PLEKHA5: variants seen among roughly 807,000 people sequenced by gnomAD.
PLEKHA5 encodes the protein pleckstrin homology domain-containing family A member 5.
PLEKHA5 carries 55 observed loss-of-function variants against 181.9 expected under a neutral mutation model. That is an observed-to-expected ratio of 0.30 (90% confidence interval 0.24 to 0.38). The LOEUF is 0.38. PLEKHA5 is among the 10% of genes least tolerant of loss of function. PLEKHA5 has a pLI of 1.00. For missense variants in PLEKHA5, 1,432 were observed against 1,549.5 expected (o/e 0.92, Z 1.27); for synonymous variants, 535 against 529.4 (o/e 1.01, Z -0.15).
chr12:19,254,330 A>C (rs2066243381), intron 4 of PLEKHA5, among the ~76,000 whole-genome samples: 2 of 152,238 alleles, frequency 1.3e-5, no homozygotes, highest in Admixed American at 1.3e-4. Flanking sequence ...CACTTTTCTC[A>C]TCCTTAAATC....
intron 3 of PLEKHA5, among the ~76,000 whole-genome samples, chr12:19,148,938 TCAG>T: frequency 6.6e-6 from 1 of 152,274 alleles, no homozygotes; most frequent in East Asian, 1.9e-4. Context: ...TATTCCTTTC[TCAG>T]CAGGTTCTCT....
chr12:19,352,299 C>T (rs2094638604), intron 25 of PLEKHA5, among the ~76,000 whole-genome samples: 2 of 151,088 alleles, frequency 1.3e-5, no homozygotes, highest in African/African-American at 4.9e-5. Flanking sequence ...GTGGGAGGAT[C>T]GCTTGAGCCC....
At chr12:19,255,188 A>T in intron 5 of PLEKHA5, 23 bp downstream of exon 5, 1 of 1,527,818 alleles carries the variant, frequency 6.5e-7, no homozygotes, top group Non-Finnish European at 8.9e-7. Context: ...GCTTTATATT[A>T]ATTATTGATA....
chr12:19,211,719 C>A (rs2056944407), intron 3 of PLEKHA5, among the ~76,000 whole-genome samples: 1 of 152,024 alleles, frequency 6.6e-6, no homozygotes, highest in Admixed American at 6.5e-5. Context: ...TCAGATGAGA[C>A]CTCATCCTAT....
intron 10 of PLEKHA5, 156 bp from the exon 11 acceptor site, chr12:19,274,360 C>T: frequency 1.7e-6 from 1 of 601,030 alleles, no homozygotes; most frequent in Non-Finnish European, 2.9e-6. Context: ...ATGTTAATAT[C>T]ACAGCATTGG....
intron 2 of PLEKHA5, among the ~76,000 whole-genome samples, chr12:19,131,628 T>A (rs1256128636): frequency 6.6e-6 from 1 of 152,126 alleles, no homozygotes; most frequent in Non-Finnish European, 1.5e-5. Context: ...ACAGATTTGG[T>A]AACATTCACG....
intron 21 of PLEKHA5, among the ~76,000 whole-genome samples, chr12:19,342,822 A>T (rs1449838314): frequency 6.6e-6 from 1 of 152,122 alleles, no homozygotes; most frequent in African/African-American, 2.4e-5. Context: ...CTGTCAGTCA[A>T]AATTCATCTT....
At chr12:19,307,100 G>C in intron 15 of PLEKHA5, 1 of 1,053,966 alleles carries the variant, frequency 9.5e-7, no homozygotes, top group Non-Finnish European at 1.5e-6. Context: ...AAGCTTATGA[G>C]CACTGTTGGT....
At chr12:19,222,119 G>A (rs1042953099) in intron 3 of PLEKHA5, among the ~76,000 whole-genome samples, 5 of 151,846 alleles carry the variant, frequency 3.3e-5, no homozygotes, top group Non-Finnish European at 7.4e-5. Context: ...ATATGTGTGT[G>A]TATGTATATA....
intron 3 of PLEKHA5, among the ~76,000 whole-genome samples, chr12:19,133,010 G>A (rs1555222091): frequency 6.7e-6 from 1 of 150,304 alleles, no homozygotes; most frequent in Non-Finnish European, 1.5e-5. Context: ...TGTAAAGCTA[G>A]GCACAATTTG....
chr12:19,299,073 T>C (rs190962932), intron 15 of PLEKHA5, among the ~76,000 whole-genome samples: 1 of 152,320 alleles, frequency 6.6e-6, no homozygotes, highest in Admixed American at 6.5e-5. Flanking sequence ...CTCCTTGGCA[T>C]CCTGCCTGCC....
At chr12:19,226,909 A>G (rs771606823) in intron 3 of PLEKHA5, among the ~76,000 whole-genome samples, 1 of 151,748 alleles carries the variant, frequency 6.6e-6, no homozygotes, top group Non-Finnish European at 1.5e-5. Flanking sequence ...AGTTATACAG[A>G]TTATTTAGAA....
intron 3 of PLEKHA5, among the ~76,000 whole-genome samples, chr12:19,156,831 G>C (rs1010663672): frequency 6.7e-6 from 1 of 149,616 alleles, no homozygotes; most frequent in Non-Finnish European, 1.5e-5. Flanking sequence ...GGTCACTTGA[G>C]ATCAGGAGTT....
At position 19,167,405 on chromosome 12, in the gene PLEKHA5, ATTTTTTTTTTTTTT is replaced by A. The variant is rs56086557; in HGVS notation, c.227+34971_227+34984del. On this transcript the variant is annotated intron_variant, in intron 3 of 31. Coordinates refer to ENST00000429027, the MANE Select transcript of PLEKHA5 (RefSeq NM_001256470.2). ...CACTCTGCAAGTCTTCTGAGGCTTA[ATTTTTTTTTTTTTT>A]TTTTTTTTTTTTTTTGCTTTGGAAG... 6.5e-3 allele frequency among the ~76,000 whole-genome samples: 595 copies of A among 91,256 alleles called. 4 individuals carry two copies. The highest frequency in any genetic ancestry group is 8.6e-3 in the Non-Finnish European group (444 of 51,836). The allele number at this position is 91,256 out of a possible 152,430, so 59.9% of individuals were successfully genotyped here.
chr12:19,231,617 C>T (rs373653344), intron 3 of PLEKHA5, among the ~76,000 whole-genome samples: 2,349 of 29,506 alleles, frequency 0.08, 18 homozygotes, highest in Non-Finnish European at 0.18. Flanking sequence ...TATATAAATA[C>T]TCATAAAGCT....
chr12:19,303,816 T>C (rs1476148970), intron 15 of PLEKHA5: 1 of 13,762 alleles, frequency 7.3e-5, no homozygotes, highest in African/African-American at 1.1e-4. Flanking sequence ...TTCTTTGAGC[T>C]TTTTTTTTTT....
chr12:19,211,500 A>G (rs2152188444), intron 3 of PLEKHA5, among the ~76,000 whole-genome samples: 1 of 152,244 alleles, frequency 6.6e-6, no homozygotes, highest in Non-Finnish European at 1.5e-5. Context: ...GGAAGAGGCG[A>G]CCATGAACTT....
At chr12:19,167,033 C>G (rs1388719967) in intron 3 of PLEKHA5, among the ~76,000 whole-genome samples, 2 of 152,202 alleles carry the variant, frequency 1.3e-5, no homozygotes, top group Non-Finnish European at 2.9e-5. Flanking sequence ...ACTTCATTAG[C>G]AAACTAATAC....
At chr12:19,318,110 A>G (rs1565609988) in intron 16 of PLEKHA5, among the ~76,000 whole-genome samples, 1 of 150,820 alleles carries the variant, frequency 6.6e-6, no homozygotes, top group Non-Finnish European at 1.5e-5. Flanking sequence ...TTTCAATTCT[A>G]TGAAGGCGTT....
Sources: gnomAD v4.1 joint callset for allele counts (sites outside exome capture counted in the v4.1 genomes callset) on GRCh38, gnomAD v4.1.1 for gene constraint, MANE v1.5 for transcripts, NCBI Gene and HGNC (gene_info 2026-07-23, HGNC 2026-07-21) for gene names.